NALF1: variants seen among roughly 807,000 people sequenced by gnomAD.
NALF1 encodes family with sequence similarity 155 member A.
NALF1 carries 3 observed loss-of-function variants against 48.4 expected under a neutral mutation model. The ratio of observed to expected loss-of-function variants is 0.06; its 90% CI spans 0.03 to 0.16. The LOEUF is 0.16. Ranked by LOEUF, NALF1 falls within the 10% of genes least tolerant of loss-of-function variation. The probability of loss-of-function intolerance (pLI) is 1.00; values close to 1 mark genes in which losing one functional copy is unlikely to be tolerated. For missense variants in NALF1, 526 were observed against 571.5 expected (o/e 0.92, Z 0.81); for synonymous variants, 262 against 245.7 (o/e 1.07, Z -0.62).
At chr13:107,208,200 G>A (rs1879683309) in intron 2 of NALF1, among the ~76,000 whole-genome samples, 1 of 152,156 alleles carries the variant, frequency 6.6e-6, no homozygotes, top group Non-Finnish European at 1.5e-5. Flanking sequence ...AACTGAAAGT[G>A]ACATAAGAAC....
At chr13:107,417,487 T>C (rs1884110126) in intron 1 of NALF1, among the ~76,000 whole-genome samples, 1 of 151,776 alleles carries the variant, frequency 6.6e-6, no homozygotes, top group South Asian at 2.1e-4. Context: ...AAAATTCCTC[T>C]GATATTTGTT....
At chr13:107,577,758 C>T (rs1878194502) in intron 1 of NALF1, among the ~76,000 whole-genome samples, 1 of 152,104 alleles carries the variant, frequency 6.6e-6, no homozygotes, top group Non-Finnish European at 1.5e-5. Flanking sequence ...ACTCTCCCAC[C>T]CAAGCCCATA....
intron 1 of NALF1, among the ~76,000 whole-genome samples, chr13:107,453,090 T>G (rs1350074252): frequency 6.6e-6 from 1 of 152,188 alleles, no homozygotes; most frequent in Non-Finnish European, 1.5e-5. Flanking sequence ...TGGCTGGCAT[T>G]GAGTGTCTGC....
intron 1 of NALF1, among the ~76,000 whole-genome samples, chr13:107,625,450 G>T (rs1438825278): frequency 2.0e-5 from 3 of 152,194 alleles, no homozygotes; most frequent in South Asian, 4.2e-4. Context: ...ATTTAGCACA[G>T]CATGTCAAAA....
chr13:107,243,304 C>G lies in NALF1; in HGVS notation c.916-32549G>C, dbSNP rs145251538. 2.2e-3 allele frequency among the ~76,000 whole-genome samples: 329 copies of G among 152,298 alleles called. 2 individuals carry two copies. The highest frequency in any genetic ancestry group is 0.017 in the Middle Eastern group (5 of 294). ...CTCCCTTGTCCTCTACCCCTTCCTT[C>G]TCCTTCTTAAGATCTCAACTTAAAT... On this transcript the variant is annotated intron_variant, in intron 1 of 2. Coordinates refer to ENST00000375915, the MANE Select transcript of NALF1 (RefSeq NM_001080396.3).
chr13:107,297,728 A>G (rs558817320), intron 1 of NALF1, among the ~76,000 whole-genome samples: 26 of 152,316 alleles, frequency 1.7e-4, no homozygotes, highest in Middle Eastern at 3.4e-3. Context: ...TACCTTAATA[A>G]TCAGGCTTAT....
At chr13:107,585,874 A>G (rs1284662244) in intron 1 of NALF1, among the ~76,000 whole-genome samples, 1 of 152,160 alleles carries the variant, frequency 6.6e-6, no homozygotes, top group African/African-American at 2.4e-5. Context: ...GAGGAAAAAT[A>G]TCAATTCTCT....
chr13:107,707,953 G>C (rs767758362), intron 1 of NALF1, among the ~76,000 whole-genome samples: 58 of 152,032 alleles, frequency 3.8e-4, no homozygotes, highest in Non-Finnish European at 6.3e-4. Flanking sequence ...TTAAATGCAT[G>C]CTGTTCTCAT....
intron 1 of NALF1, among the ~76,000 whole-genome samples, chr13:107,468,158 C>T (rs971701927): frequency 1.3e-5 from 2 of 151,820 alleles, no homozygotes; most frequent in Non-Finnish European, 2.9e-5. Flanking sequence ...ACTTGATTAT[C>T]GCAAATAACA....
intron 1 of NALF1, among the ~76,000 whole-genome samples, chr13:107,435,603 A>C (rs1884451123): frequency 6.6e-6 from 1 of 152,196 alleles, no homozygotes. Flanking sequence ...ACCTTAAAAA[A>C]ATTATTACAA....
At position 107,866,401 on chromosome 13, in the gene NALF1, G is replaced by T; in HGVS notation, c.196C>A (p.Arg66=). 1 of 1,613,902 alleles carries T rather than the reference G, an allele frequency of 6.2e-7. No individual in the cohort carries two copies. ...TGCTGGTGCTCCTTGTCCCGGGCCC[G>T]GGTCAGCTTGGCCTCGGCGCAGAAC... ...LWFCAEAKLT[R]ARDKEHQQQQ... Residue 66 remains arginine, a synonymous_variant, in exon 1 of 3, where the codon CGG becomes AGG. Coordinates refer to ENST00000375915, the MANE Select transcript of NALF1 (RefSeq NM_001080396.3). The surrounding 1 kb of genome is among the most constrained non-coding windows in gnomAD (Gnocchi z 4.4).
chr13:107,281,396 T>C (rs1038994039), intron 1 of NALF1, among the ~76,000 whole-genome samples: 6 of 152,278 alleles, frequency 3.9e-5, no homozygotes, highest in Admixed American at 1.3e-4. Flanking sequence ...CCTTTAGCAA[T>C]TGGCATAATT....
intron 1 of NALF1, among the ~76,000 whole-genome samples, chr13:107,384,392 A>G (rs1260634507): frequency 1.3e-5 from 2 of 152,198 alleles, no homozygotes; most frequent in Non-Finnish European, 2.9e-5. Flanking sequence ...TGCTTTTCAT[A>G]CAGTCTGCAA....
chr13:107,635,589 A>G (rs1594174691), intron 1 of NALF1, among the ~76,000 whole-genome samples: 1 of 152,120 alleles, frequency 6.6e-6, no homozygotes, highest in Non-Finnish European at 1.5e-5. Context: ...GCAAGCCACT[A>G]TTTACTAGCT....
At position 107,866,346 on chromosome 13, in the gene NALF1, T is replaced by G; in HGVS notation, c.251A>C (p.Gln84Pro). ...QQQRQQQQQQ[Q>P]QQRQRQQQQQ... is the part of the protein sequence containing the mutation. ...CTGCTGCTGCCGCTGCCTCTGCTGC[T>G]GCTGCTGCTGCTGCTGCTGCCGCTG... Residue 84 changes from glutamine (Q) to proline (P), a missense_variant, in exon 1 of 3, where the codon CAG (glutamine) becomes CCG (proline). By Grantham distance (76) the Gln-to-Pro change is moderately conservative. Transcript: ENST00000375915. This position sits in a 1 kb window ranked among gnomAD's most constrained non-coding sequence, Gnocchi z 4.4. The G allele has an allele frequency of 1.9e-6, 3 of 1,607,502 alleles. No homozygotes were observed. Among genetic ancestry groups the G allele is most frequent in the Non-Finnish European group, 2.5e-6 (3 of 1,177,696 alleles).
chr13:107,668,002 ATG>A (rs1258119888), intron 1 of NALF1, among the ~76,000 whole-genome samples: 1 of 151,992 alleles, frequency 6.6e-6, no homozygotes, highest in Non-Finnish European at 1.5e-5. Context: ...ATGGAAAAAT[ATG>A]TGTCCATGTG....
intron 1 of NALF1, among the ~76,000 whole-genome samples, chr13:107,493,901 T>C (rs1356816512): frequency 6.6e-6 from 1 of 151,930 alleles, no homozygotes; most frequent in Non-Finnish European, 1.5e-5. Flanking sequence ...CAAAATTATA[T>C]ATATACACAC....
At position 107,321,117 on chromosome 13, in the gene NALF1, T is replaced by C. The variant is rs192929735; in HGVS notation, c.916-110362A>G. 2.7e-3 allele frequency among the ~76,000 whole-genome samples: 417 copies of C among 152,232 alleles called. 1 individual carries two copies. Among genetic ancestry groups the C allele is most frequent in the Admixed American group, 5.9e-3 (90 of 15,262 alleles). On this transcript the variant is annotated intron_variant, in intron 1 of 2. Coordinates refer to ENST00000375915, the MANE Select transcript of NALF1 (RefSeq NM_001080396.3). ...AAAAAGTTAAAGTGGGTGAAGCAAA[T>C]CTAGAAGACCTTTATCAAAAAAGGA...
intron 1 of NALF1, among the ~76,000 whole-genome samples, chr13:107,232,294 AACCGGTAAGACT>A (rs1324190003): frequency 2.0e-5 from 3 of 152,240 alleles, no homozygotes; most frequent in African/African-American, 7.2e-5. Context: ...CAATGGAGCG[AACCGGTAAGACT>A]ATCTGATAAA....
Sources: gnomAD v4.1 joint callset for allele counts (sites outside exome capture counted in the v4.1 genomes callset) on GRCh38, gnomAD v4.1.1 for gene constraint, Gnocchi (gnomAD v3.1) non-coding constraint, MANE v1.5 for transcripts, NCBI Gene and HGNC (gene_info 2026-07-23, HGNC 2026-07-21) for gene names.